The following SNCAIP variants were observed in gnomAD, a reference collection of about 807,000 sequenced individuals.
SNCAIP encodes synuclein alpha interacting protein.
In SNCAIP, 43 loss-of-function variants were observed where a neutral mutation model predicts 86.7. The observed-to-expected ratio is 0.50, with a 90% CI of 0.39 to 0.64. The LOEUF (loss-of-function observed/expected upper bound fraction) is 0.64, where lower values mean the gene tolerates loss of function less well. Ranked by LOEUF, SNCAIP falls within the 30% of genes least tolerant of loss-of-function variation. SNCAIP has a pLI of 0.00. For missense variants in SNCAIP, 981 were observed against 1,103.1 expected (o/e 0.89, Z 1.57); for synonymous variants, 417 against 427.2 (o/e 0.98, Z 0.29).
At chr5:122,398,492 A>G (rs1244287302) in intron 2 of SNCAIP, among the ~76,000 whole-genome samples, 1 of 152,158 alleles carries the variant, frequency 6.6e-6, no homozygotes, top group African/African-American at 2.4e-5. Context: ...CATTTCAGCT[A>G]CATGTCTCTG....
At chr5:122,375,954 A>G (rs1580794358) in intron 1 of SNCAIP, among the ~76,000 whole-genome samples, 4 of 152,240 alleles carry the variant, frequency 2.6e-5, no homozygotes, top group Admixed American at 2.6e-4. Flanking sequence ...AGCTGAGGAT[A>G]GCCATTAGCT....
chr5:122,408,272 C>T (rs1219789438), intron 3 of SNCAIP, among the ~76,000 whole-genome samples: 1 of 152,148 alleles, frequency 6.6e-6, no homozygotes, highest in Non-Finnish European at 1.5e-5. Context: ...TCTGCTTTCC[C>T]AAGTAGGGCC....
At chr5:122,414,691 A>C (rs1003055290) in intron 3 of SNCAIP, among the ~76,000 whole-genome samples, 1 of 152,248 alleles carries the variant, frequency 6.6e-6, no homozygotes, top group Non-Finnish European at 1.5e-5. Context: ...ACCCAAATAG[A>C]GAAAAATGTG....
At chr5:122,332,747 G>A (rs1370630184) in intron 1 of SNCAIP, among the ~76,000 whole-genome samples, 1 of 152,164 alleles carries the variant, frequency 6.6e-6, no homozygotes, top group East Asian at 1.9e-4. Flanking sequence ...GAGGGATCTT[G>A]GTAAAAGTGA....
intron 1 of SNCAIP, among the ~76,000 whole-genome samples, chr5:122,377,967 C>A (rs532188713): frequency 9.7e-4 from 147 of 151,848 alleles, no homozygotes; most frequent in Middle Eastern, 6.8e-3. Flanking sequence ...GGTTCCAAGT[C>A]TTTGCTATTG....
At chr5:122,345,933 G>A in intron 1 of SNCAIP, among the ~76,000 whole-genome samples, 1 of 152,054 alleles carries the variant, frequency 6.6e-6, no homozygotes, top group Non-Finnish European at 1.5e-5. Context: ...GATTACAGTT[G>A]TGAGCCACTG....
In SNCAIP at chr5:122,321,111, G is replaced by A. The variant is rs538679394; in HGVS notation, c.-47+8827G>A. Reference sequence around the variant, plus strand: ...AATGTAATAGGATCCATGAATGGGAGCCATGCAGGCAATTTCATATTTTAT... The same window carrying A: ...AATGTAATAGGATCCATGAATGGGAACCATGCAGGCAATTTCATATTTTAT... On this transcript the variant is annotated intron_variant, in intron 1 of 10. Coordinates refer to ENST00000261368, the MANE Select transcript of SNCAIP (RefSeq NM_005460.4). Among the ~76,000 whole-genome samples the A allele has an allele frequency of 1.6e-3, 237 of 152,248 alleles. 1 individual carries two copies. The highest frequency in any genetic ancestry group is 6.8e-3 in the Middle Eastern group (2 of 294).
chr5:122,311,968 G>C (rs1436980007), upstream of SNCAIP: 2 of 148,602 alleles, frequency 1.3e-5, no homozygotes, highest in African/African-American at 4.9e-5. Context: ...CTGAGGGCGC[G>C]GCGGCCCCGG....
intron 1 of SNCAIP, among the ~76,000 whole-genome samples, chr5:122,334,874 T>C (rs1180049093): frequency 3.9e-5 from 6 of 152,234 alleles, no homozygotes; most frequent in African/African-American, 1.4e-4. Flanking sequence ...ATTCCTTCAA[T>C]CTAGGCCTCT....
intron 6 of SNCAIP, chr5:122,437,446 C>T (rs1174130272): frequency 6.6e-6 from 1 of 152,126 alleles, no homozygotes; most frequent in Non-Finnish European, 1.5e-5. Flanking sequence ...GGTATATAGT[C>T]AATCCGTCAT....
At chr5:122,313,261 C>T (rs1359765312) in intron 1 of SNCAIP, among the ~76,000 whole-genome samples, 1 of 152,250 alleles carries the variant, frequency 6.6e-6, no homozygotes, top group Non-Finnish European at 1.5e-5. Context: ...GATCGGATTC[C>T]TCTTGGCTGT....
chr5:122,316,094 T>C (rs1751661077), intron 1 of SNCAIP, among the ~76,000 whole-genome samples: 1 of 152,202 alleles, frequency 6.6e-6, no homozygotes, highest in Non-Finnish European at 1.5e-5. Context: ...CAAAGTACTT[T>C]ATAAGCTGCA....
intron 2 of SNCAIP, among the ~76,000 whole-genome samples, chr5:122,402,181 A>C (rs1771964590): frequency 6.6e-6 from 1 of 152,078 alleles, no homozygotes; most frequent in African/African-American, 2.4e-5. Context: ...TGAATTATAG[A>C]CTGTGTAATT....
At chr5:122,381,582 T>A (rs1275509433) in intron 1 of SNCAIP, among the ~76,000 whole-genome samples, 1 of 148,168 alleles carries the variant, frequency 6.7e-6, no homozygotes, top group Non-Finnish European at 1.5e-5. Flanking sequence ...GATCCTGTCA[T>A]TATGATGTTA....
chr5:122,319,996 G>A (rs894019425), intron 1 of SNCAIP, among the ~76,000 whole-genome samples: 8 of 152,222 alleles, frequency 5.3e-5, no homozygotes, highest in Admixed American at 2.6e-4. Flanking sequence ...TGAAGCTTAA[G>A]ACTTGTGCCA....
chr5:122,357,083 C>A (rs1761167372), intron 1 of SNCAIP, among the ~76,000 whole-genome samples: 1 of 152,156 alleles, frequency 6.6e-6, no homozygotes, highest in Non-Finnish European at 1.5e-5. Context: ...TGCTGGCCTT[C>A]CTGTCTTGTT....
At chr5:122,456,189 T>C (rs1225886530) in intron 10 of SNCAIP, among the ~76,000 whole-genome samples, 2 of 152,160 alleles carry the variant, frequency 1.3e-5, no homozygotes, top group African/African-American at 2.4e-5. Context: ...AGCATTAGCA[T>C]AGAGTCCTTA....
intron 3 of SNCAIP, among the ~76,000 whole-genome samples, chr5:122,407,100 G>A (rs570750374): frequency 6.6e-6 from 1 of 152,174 alleles, no homozygotes; most frequent in Non-Finnish European, 1.5e-5. Context: ...CTGTGCTCAT[G>A]AAGCTTACAT....
rs903311520 is a variant in SNCAIP at position 122,379,645 on chromosome 5, T to G, written c.-46-11444T>G. Among the ~76,000 whole-genome samples, 360 of 151,980 alleles carry G rather than the reference T, an allele frequency of 2.4e-3. 2 individuals carry two copies. The highest frequency in any genetic ancestry group is 8.0e-3 in the African/African-American group (332 of 41,444). On this transcript the variant is annotated intron_variant, in intron 1 of 10. Coordinates refer to ENST00000261368, the MANE Select transcript of SNCAIP (RefSeq NM_005460.4). ...TTTTCAAAGGGAATGCTTCCAGTTT[T>G]TGCCCATTCAGTATGATATTGGCTG...
Sources: allele counts gnomAD v4.1 joint callset (sites outside exome capture counted in the v4.1 genomes callset), GRCh38; gene constraint gnomAD v4.1.1; transcripts MANE v1.5; gene names NCBI Gene and HGNC (gene_info 2026-07-23, HGNC 2026-07-21).